The following TRIP12 variants were observed in gnomAD, a reference collection of about 807,000 sequenced individuals.
TRIP12 encodes E3 ubiquitin-protein ligase TRIP12.
A neutral mutation model predicts 244.2 loss-of-function variants in TRIP12; 25 were observed. The observed-to-expected ratio is 0.10, with a 90% CI of 0.07 to 0.14. The LOEUF is 0.14. Ranked by LOEUF, TRIP12 falls within the 10% of genes least tolerant of loss-of-function variation. The pLI, the probability that TRIP12 is intolerant of heterozygous loss-of-function variation, is 1.00. For missense variants in TRIP12, 1,677 were observed against 2,486.4 expected (o/e 0.67, Z 6.92); for synonymous variants, 905 against 873.1 (o/e 1.04, Z -0.64).
At chr2:229,851,548 C>T (rs1019927438) in intron 4 of TRIP12, among the ~76,000 whole-genome samples, 1 of 152,158 alleles carries the variant, frequency 6.6e-6, no homozygotes, top group African/African-American at 2.4e-5. Context: ...GCAACCCGCT[C>T]GGGTCCCCTT....
At chr2:229,900,774 A>C (rs934226272) in intron 1 of TRIP12, 10 of 151,934 alleles carry the variant, frequency 6.6e-5, no homozygotes, top group African/African-American at 2.2e-4. Context: ...CGGCAGGGGA[A>C]TCGCTTGAAC....
At chr2:229,829,473 G>A (rs997990357) in intron 7 of TRIP12, among the ~76,000 whole-genome samples, 185 bp from the exon 8 acceptor site, 9 of 152,206 alleles carry the variant, frequency 5.9e-5, no homozygotes, top group African/African-American at 2.2e-4. Flanking sequence ...AGTGCCAGCA[G>A]GAATGTGTAA....
intron 2 of TRIP12, among the ~76,000 whole-genome samples, chr2:229,878,342 T>C (rs1046716135): frequency 6.6e-6 from 1 of 151,084 alleles, no homozygotes; most frequent in African/African-American, 2.4e-5. Flanking sequence ...CCCAGCTACT[T>C]GGGAGGCTGA....
rs1459761055 is a variant in TRIP12 at position 229,793,004 on chromosome 2, T to C, written c.4110A>G (p.Val1370=). The part of the protein sequence containing the change: ...GPVKIDPLAL[V]QAIERYLVVR... Reference sequence around the variant, plus strand: ...CTACAAGGTATCTCTCGATGGCTTGTACCAAAGCCAGAGGGTCAATCTTGA... The same window carrying C: ...CTACAAGGTATCTCTCGATGGCTTGCACCAAAGCCAGAGGGTCAATCTTGA... The change falls in exon 27 of 42, where the codon GTA becomes GTG. Residue 1370 remains valine, a synonymous_variant. Transcript: ENST00000675903. 6.2e-7 allele frequency: 1 copy of C among 1,613,914 alleles called. No individual in the cohort carries two copies. Among genetic ancestry groups the C allele is most frequent in the Non-Finnish European group, 8.5e-7 (1 of 1,179,878 alleles).
chr2:229,803,027 C>CTT (rs1262512327), intron 20 of TRIP12, among the ~76,000 whole-genome samples: 1 of 152,280 alleles, frequency 6.6e-6, no homozygotes, highest in Admixed American at 6.5e-5. Flanking sequence ...AGGAGTGTGA[C>CTT]TAAGAACTAT....
chr2:229,889,918 A>G (rs2066921070), intron 1 of TRIP12, among the ~76,000 whole-genome samples: 1 of 152,196 alleles, frequency 6.6e-6, no homozygotes, highest in South Asian at 2.1e-4. Flanking sequence ...AGATTACAGC[A>G]AAGTGCTCCC....
chr2:229,838,851 G>A (rs1423393953), intron 5 of TRIP12, among the ~76,000 whole-genome samples: 1 of 152,136 alleles, frequency 6.6e-6, no homozygotes, highest in African/African-American at 2.4e-5. Flanking sequence ...AAGATTTAAG[G>A]TGGCAAAGCT....
intron 8 of TRIP12, 92 bp from the exon 9 acceptor site, chr2:229,818,604 C>T (rs1395684071): frequency 4.8e-5 from 57 of 1,195,802 alleles, no homozygotes; most frequent in Non-Finnish European, 6.4e-5. Context: ...GGTTGCTTAT[C>T]TTCTTTGCAT....
At chr2:229,861,636 A>G (rs916626624) in intron 2 of TRIP12, among the ~76,000 whole-genome samples, 1 of 152,192 alleles carries the variant, frequency 6.6e-6, no homozygotes, top group Non-Finnish European at 1.5e-5. Flanking sequence ...AGGATGCCAT[A>G]AATTTCTTAA....
chr2:229,889,779 G>A (rs2066891553), intron 1 of TRIP12, among the ~76,000 whole-genome samples: 1 of 152,114 alleles, frequency 6.6e-6, no homozygotes. Flanking sequence ...CTCATTAGGT[G>A]ATTATGAAAA....
chr2:229,780,407 C>T (rs762404722), intron 34 of TRIP12, among the ~76,000 whole-genome samples: 2 of 152,180 alleles, frequency 1.3e-5, no homozygotes, highest in Non-Finnish European at 2.9e-5. Context: ...CTAGCATTCC[C>T]GACATCTTGT....
At chr2:229,807,485 G>T in intron 17 of TRIP12, 1 of 567,134 alleles carries the variant, frequency 1.8e-6, no homozygotes, top group South Asian at 2.2e-5. Context: ...TAAATTACTT[G>T]CTCCAAGTCA....
rs907598924 is a variant in TRIP12 at position 229,874,795 on chromosome 2, G to A, written c.98+5187C>T. 5.3e-5 allele frequency among the ~76,000 whole-genome samples: 8 copies of A among 152,176 alleles called. No individual in the cohort carries two copies. The South Asian group carries it at 6.2e-4, about 12-fold the overall frequency. Reference sequence around the variant, plus strand: ...TTGTTTTCTTTAATTTTCCTGAAGCGTCCCAATTTTCTATTCTCAATATGC... The same window carrying A: ...TTGTTTTCTTTAATTTTCCTGAAGCATCCCAATTTTCTATTCTCAATATGC... On this transcript the variant is annotated intron_variant, in intron 2 of 41. Transcript: ENST00000675903.
intron 1 of TRIP12, among the ~76,000 whole-genome samples, chr2:229,890,327 G>A (rs1182823934): frequency 3.9e-5 from 6 of 152,020 alleles, no homozygotes; most frequent in Non-Finnish European, 8.8e-5. Flanking sequence ...TGATCCGCCT[G>A]CCTCGGCCTC....
intron 1 of TRIP12, among the ~76,000 whole-genome samples, chr2:229,888,161 A>G: frequency 6.6e-6 from 1 of 152,250 alleles, no homozygotes; most frequent in Non-Finnish European, 1.5e-5. Context: ...TTGTAGCAGC[A>G]TTATCAAATG....
chr2:229,855,973 G>T (rs780598360), intron 4 of TRIP12, among the ~76,000 whole-genome samples: 2 of 151,914 alleles, frequency 1.3e-5, no homozygotes, highest in Non-Finnish European at 2.9e-5. Context: ...GGGAGGTAGA[G>T]GTTGCGGTGA....
At chr2:229,774,293 C>T in intron 37 of TRIP12, 32 bp from the exon 38 acceptor site, 1 of 1,578,646 alleles carries the variant, frequency 6.3e-7, no homozygotes, top group African/African-American at 1.4e-5. Flanking sequence ...GAAATGGTGT[C>T]AAGCAAAATT....
At chr2:229,830,934 T>A in intron 6 of TRIP12, 95 bp from the exon 7 acceptor site, 1 of 1,035,558 alleles carries the variant, frequency 9.7e-7, no homozygotes, top group Non-Finnish European at 1.5e-6. Context: ...CGGACTACAA[T>A]TGAATAAAGG....
At chr2:229,792,339 T>C in intron 27 of TRIP12, 113 bp from the exon 28 acceptor site, 2 of 1,027,330 alleles carry the variant, frequency 1.9e-6, no homozygotes, top group East Asian at 2.4e-5. Flanking sequence ...AGGTTGAGTA[T>C]CCCTTATCTG....
Sources: allele counts gnomAD v4.1 joint callset (sites outside exome capture counted in the v4.1 genomes callset), GRCh38; gene constraint gnomAD v4.1.1; transcripts MANE v1.5; gene names NCBI Gene and HGNC (gene_info 2026-07-23, HGNC 2026-07-21).